The following PCDH9 variants were observed in gnomAD, a reference collection of about 807,000 sequenced individuals.
PCDH9 encodes the protein protocadherin 9, also known as protocadherin-9.
PCDH9 carries 24 observed loss-of-function variants against 70.6 expected under a neutral mutation model. That is an observed-to-expected ratio of 0.34 (90% confidence interval 0.25 to 0.48). The LOEUF (loss-of-function observed/expected upper bound fraction) is 0.48, where lower values mean the gene tolerates loss of function less well. Among genes scored for constraint, PCDH9 ranks in the 20% least tolerant of loss-of-function variants. The pLI is 0.99. For synonymous variants in PCDH9, 562 were observed against 558.5 expected, an observed-to-expected ratio of 1.01 and a Z score of -0.09; for missense variants, 1,281 against 1,503.6, an observed-to-expected ratio of 0.85 and a Z score of 2.45.
chr13:66,908,374 C>T (rs561795430), intron 2 of PCDH9, among the ~76,000 whole-genome samples: 2 of 152,258 alleles, frequency 1.3e-5, no homozygotes, highest in East Asian at 1.9e-4. Context: ...GTTGTCAAAA[C>T]TGAAAGGACT....
intron 2 of PCDH9, among the ~76,000 whole-genome samples, chr13:67,056,847 T>C (rs764955785): frequency 3.9e-5 from 6 of 152,114 alleles, no homozygotes; most frequent in Non-Finnish European, 7.3e-5. Flanking sequence ...CACACCATCA[T>C]GAAGACAGGA....
At chr13:66,434,259 C>T (rs1249979249) in intron 4 of PCDH9, among the ~76,000 whole-genome samples, 1 of 151,766 alleles carries the variant, frequency 6.6e-6, no homozygotes, top group African/African-American at 2.4e-5. Flanking sequence ...AACTTACAAA[C>T]AAAAACCAGG....
At chr13:66,785,582 A>G (rs978350102) in intron 3 of PCDH9, among the ~76,000 whole-genome samples, 1 of 152,124 alleles carries the variant, frequency 6.6e-6, no homozygotes, top group African/African-American at 2.4e-5. Flanking sequence ...ATTATTTTCA[A>G]TCTGCTTCAG....
rs1955399787 is a variant in PCDH9, at chr13:66,303,198, T to C, written c.*1457A>G. 6.6e-6 allele frequency: 1 copy of C among 152,390 alleles called. No homozygotes were observed. The highest frequency in any genetic ancestry group is 2.1e-4 in the South Asian group (1 of 4,826). The allele number at this position is 152,390 out of a possible 1,614,324, so 9.4% of individuals were successfully genotyped here. A position where few individuals can be genotyped will look rare whatever the true frequency, so the allele number is the denominator to read the frequency against. The stretch of plus-strand genomic sequence containing the variant: ...CACTTCTTTCAATAAAGACATTTTG[T>C]TGCATGCTATTTATTTGTTTAAATC... On this transcript the variant is annotated 3_prime_UTR_variant, in exon 5 of 5. Transcript: ENST00000377865.
At chr13:66,530,750 A>T (rs1332855417) in intron 4 of PCDH9, among the ~76,000 whole-genome samples, 1 of 152,106 alleles carries the variant, frequency 6.6e-6, no homozygotes, top group Non-Finnish European at 1.5e-5. Context: ...TAGATGTTTT[A>T]TCCAGTTAAA....
At chr13:66,397,161 G>T (rs555296300) in intron 4 of PCDH9, among the ~76,000 whole-genome samples, 1 of 152,236 alleles carries the variant, frequency 6.6e-6, no homozygotes, top group Admixed American at 6.5e-5. Flanking sequence ...GCTCACACCT[G>T]TAATCCCAAC....
intron 4 of PCDH9, among the ~76,000 whole-genome samples, chr13:66,379,781 T>C (rs545594398): frequency 6.6e-6 from 1 of 152,294 alleles, no homozygotes; most frequent in East Asian, 1.9e-4. Flanking sequence ...CTGAATTATA[T>C]TTTTGCCTGT....
intron 3 of PCDH9, among the ~76,000 whole-genome samples, chr13:66,795,523 C>A (rs1018257110): frequency 2.6e-5 from 4 of 152,040 alleles, no homozygotes; most frequent in African/African-American, 9.7e-5. Flanking sequence ...TATTCCCATT[C>A]TTTTATTAAT....
chr13:66,562,864 A>G (rs2076595334), intron 4 of PCDH9, among the ~76,000 whole-genome samples: 1 of 152,178 alleles, frequency 6.6e-6, no homozygotes, highest in Non-Finnish European at 1.5e-5. Flanking sequence ...CTAGCAGTTT[A>G]TGCTTATACT....
chr13:66,431,275 A>T (rs1957766779), intron 4 of PCDH9, among the ~76,000 whole-genome samples: 1 of 152,052 alleles, frequency 6.6e-6, no homozygotes, highest in Non-Finnish European at 1.5e-5. Flanking sequence ...TGTGTAAGAA[A>T]TAATACAAAG....
intron 3 of PCDH9, among the ~76,000 whole-genome samples, chr13:66,750,667 A>C (rs1322332282): frequency 6.6e-6 from 1 of 152,156 alleles, no homozygotes; most frequent in Non-Finnish European, 1.5e-5. Flanking sequence ...AATAGGAAAA[A>C]CCAAATCTGC....
intron 4 of PCDH9, among the ~76,000 whole-genome samples, chr13:66,476,377 A>T (rs1018185115): frequency 6.6e-6 from 1 of 152,116 alleles, no homozygotes; most frequent in African/African-American, 2.4e-5. Context: ...TTACATAGAG[A>T]TAGATAAAAG....
rs114302024 is a variant in PCDH9, at chr13:66,757,164, T to C, written c.3139-125753A>G. Among the ~76,000 whole-genome samples the C allele has an allele frequency of 3.3e-3, 503 of 152,258 alleles. 1 individual carries two copies. Among genetic ancestry groups the C allele is most frequent in the African/African-American group, 0.011 (459 of 41,562 alleles). On this transcript the variant is annotated intron_variant, in intron 3 of 4. Coordinates refer to ENST00000377865, the MANE Select transcript of PCDH9 (RefSeq NM_203487.3). ...TCATGTGGTTGATTTCTGAGCCAAC[T>C]TGCATTTGCGGTCTTCGGTGCTCTG...
In PCDH9 at chr13:66,834,023, T is replaced by A. The variant is rs556363690; in HGVS notation, c.3138+69481A>T. The stretch of plus-strand genomic sequence containing the variant: ...AAAAACTTTTGTAGAATGAAAAAAA[T>A]CTAATTTATAAATCAATTTTTTGCA... On this transcript the variant is annotated intron_variant, in intron 3 of 4. Transcript: ENST00000377865. Among the ~76,000 whole-genome samples, 11 of 152,244 alleles carry A rather than the reference T, an allele frequency of 7.2e-5. No individual in the cohort carries two copies. In the East Asian group the frequency reaches 1.7e-3, roughly 24 times the overall value.
intron 3 of PCDH9, among the ~76,000 whole-genome samples, chr13:66,648,792 A>C (rs576734239): frequency 6.6e-6 from 1 of 152,308 alleles, no homozygotes; most frequent in South Asian, 2.1e-4. Context: ...CAGAGATTCA[A>C]AATAGCTATT....
At chr13:66,574,568 C>G (rs776326623) in intron 4 of PCDH9, among the ~76,000 whole-genome samples, 1 of 152,152 alleles carries the variant, frequency 6.6e-6, no homozygotes, top group African/African-American at 2.4e-5. Flanking sequence ...TTGCTGCTAA[C>G]TCAGTCTATT....
intron 2 of PCDH9, among the ~76,000 whole-genome samples, chr13:67,054,903 G>T (rs905621804): frequency 6.6e-6 from 1 of 152,094 alleles, no homozygotes; most frequent in East Asian, 1.9e-4. Flanking sequence ...TATTTGAAAG[G>T]GGAAATGAGA....
chr13:66,691,368 T>G (rs1213533614), intron 3 of PCDH9, among the ~76,000 whole-genome samples: 1 of 152,172 alleles, frequency 6.6e-6, no homozygotes, highest in Admixed American at 6.6e-5. Context: ...TAAAGTGCTA[T>G]GTACTTCCAT....
At chr13:66,970,823 A>G (rs1413129707) in intron 2 of PCDH9, among the ~76,000 whole-genome samples, 8 of 151,876 alleles carry the variant, frequency 5.3e-5, no homozygotes, top group Non-Finnish European at 1.0e-4. Flanking sequence ...TCCATTATAC[A>G]TACAAGTCAC....
Sources: allele counts gnomAD v4.1 joint callset (sites outside exome capture counted in the v4.1 genomes callset), GRCh38; gene constraint gnomAD v4.1.1; transcripts MANE v1.5; gene names NCBI Gene and HGNC (gene_info 2026-07-23, HGNC 2026-07-21).